The following USP32 variants were observed in gnomAD, a reference collection of about 807,000 sequenced individuals.
USP32 encodes ubiquitin carboxyl-terminal hydrolase 32.
A neutral mutation model predicts 204.8 loss-of-function variants in USP32; 59 were observed. The ratio of observed to expected loss-of-function variants is 0.29; its 90% CI spans 0.23 to 0.36. The LOEUF is 0.36. Ranked by LOEUF, USP32 falls within the 10% of genes least tolerant of loss-of-function variation. The probability of loss-of-function intolerance (pLI) is 1.00; values close to 1 mark genes in which losing one functional copy is unlikely to be tolerated. For synonymous variants in USP32, 517 were observed against 678.4 expected (o/e 0.76, Z 3.70); for missense variants, 1,160 against 1,946.4 (o/e 0.60, Z 7.60).
intron 2 of USP32, among the ~76,000 whole-genome samples, chr17:60,314,575 G>A (rs928638439): frequency 2.0e-5 from 3 of 151,950 alleles, no homozygotes; most frequent in Non-Finnish European, 2.9e-5. Context: ...GGGGAGGAAA[G>A]GAGAGAAAAT....
intron 26 of USP32, among the ~76,000 whole-genome samples, chr17:60,201,336 T>C (rs1287188391): frequency 3.3e-5 from 5 of 152,210 alleles, no homozygotes; most frequent in Non-Finnish European, 7.3e-5. Context: ...ATTTTGGGGC[T>C]ACTATAGATA....
chr17:60,303,090 T>C (rs901501663), intron 2 of USP32, among the ~76,000 whole-genome samples: 1 of 152,194 alleles, frequency 6.6e-6, no homozygotes, highest in Non-Finnish European at 1.5e-5. Context: ...AAAAACTATC[T>C]ATCTCTAGTG....
chr17:60,228,340 G>T (rs73322928), intron 12 of USP32, among the ~76,000 whole-genome samples: 135 of 152,164 alleles, frequency 8.9e-4, no homozygotes, highest in African/African-American at 2.8e-3. Flanking sequence ...CTGTAGACAA[G>T]ACAGTAGAAC....
At chr17:60,406,662 C>T (rs554092183) in intron 1 of USP32, among the ~76,000 whole-genome samples, 8 of 151,890 alleles carry the variant, frequency 5.3e-5, no homozygotes, top group Non-Finnish European at 8.8e-5. Flanking sequence ...ATTACAGGCA[C>T]GCGCCACCAC....
At chr17:60,300,633 A>T (rs2087550330) in intron 3 of USP32, among the ~76,000 whole-genome samples, 1 of 152,238 alleles carries the variant, frequency 6.6e-6, no homozygotes, top group Non-Finnish European at 1.5e-5. Flanking sequence ...TTTGTGAAAC[A>T]AATAGACTAC....
At chr17:60,367,545 TCAAAC>T in intron 1 of USP32, among the ~76,000 whole-genome samples, 1 of 152,002 alleles carries the variant, frequency 6.6e-6, no homozygotes, top group Non-Finnish European at 1.5e-5. Flanking sequence ...GCATGGAGGC[TCAAAC>T]CTGTAATCCC....
At chr17:60,420,807 ACTTT>A (rs2090105845) in intron 1 of USP32, among the ~76,000 whole-genome samples, 1 of 152,258 alleles carries the variant, frequency 6.6e-6, no homozygotes, top group Non-Finnish European at 1.5e-5. Flanking sequence ...ATCCTTCAAG[ACTTT>A]TTTCTATGCA....
intron 5 of USP32, among the ~76,000 whole-genome samples, chr17:60,284,894 C>A (rs1357210145): frequency 6.6e-6 from 1 of 152,170 alleles, no homozygotes; most frequent in East Asian, 1.9e-4. Flanking sequence ...GAATCCCCTA[C>A]CTTTGATGTC....
intron 1 of USP32, among the ~76,000 whole-genome samples, chr17:60,390,092 G>T (rs936234105): frequency 1.3e-5 from 2 of 152,094 alleles, no homozygotes; most frequent in African/African-American, 4.8e-5. Flanking sequence ...TCAAATACAT[G>T]TGTTTTAAAA....
intron 1 of USP32, among the ~76,000 whole-genome samples, chr17:60,360,159 C>T (rs1282796048): frequency 2.6e-5 from 4 of 151,806 alleles, no homozygotes; most frequent in African/African-American, 9.7e-5. Flanking sequence ...TGAGCCACCG[C>T]GCCCGGCCCT....
At chr17:60,410,395 G>A (rs530484401) in intron 1 of USP32, among the ~76,000 whole-genome samples, 10 of 152,274 alleles carry the variant, frequency 6.6e-5, no homozygotes, top group South Asian at 2.1e-4. Flanking sequence ...CTCGGTGGGC[G>A]CGGTGGCTCA....
chr17:60,240,939 T>C (rs145448231), intron 11 of USP32, among the ~76,000 whole-genome samples: 88 of 152,318 alleles, frequency 5.8e-4, no homozygotes, highest in African/African-American at 1.6e-3. Flanking sequence ...AAGTATAACA[T>C]AGCTGAGCAT....
chr17:60,302,129 ATT>A (rs1209543564), intron 2 of USP32, among the ~76,000 whole-genome samples: 11 of 144,272 alleles, frequency 7.6e-5, no homozygotes, highest in Non-Finnish European at 1.1e-4. Flanking sequence ...TTATTTATTT[ATT>A]TATTTATTTA....
chr17:60,187,170 G>C (rs888030256), intron 29 of USP32, among the ~76,000 whole-genome samples: 1 of 152,104 alleles, frequency 6.6e-6, no homozygotes, highest in Non-Finnish European at 1.5e-5. Context: ...GTTTAGAATG[G>C]GTTTTCAGGT....
chr17:60,258,155 T>C (rs953647154), intron 9 of USP32: 1 of 156,594 alleles, frequency 6.4e-6, no homozygotes, highest in African/African-American at 2.4e-5. Context: ...GCTCCAACGG[T>C]GCCATGAAAT....
chr17:60,354,314 A>C (rs923727855), intron 1 of USP32, among the ~76,000 whole-genome samples: 2 of 152,204 alleles, frequency 1.3e-5, no homozygotes, highest in African/African-American at 4.8e-5. Context: ...CAGCCAAGGC[A>C]GGACCATGCA....
At chr17:60,316,863 A>G (rs903853734) in intron 2 of USP32, among the ~76,000 whole-genome samples, 1 of 152,080 alleles carries the variant, frequency 6.6e-6, no homozygotes, top group Non-Finnish European at 1.5e-5. Context: ...AAACAAACAA[A>G]GGAATGAAGT....
At chr17:60,371,255 A>T (rs1486804998) in intron 1 of USP32, among the ~76,000 whole-genome samples, 48 of 130,498 alleles carry the variant, frequency 3.7e-4, no homozygotes, top group Non-Finnish European at 6.3e-4. Context: ...CTAAAAATTA[A>T]AAAAAAAAAA....
At chr17:60,339,728 A>T (rs1387285257) in intron 2 of USP32, among the ~76,000 whole-genome samples, 1 of 152,150 alleles carries the variant, frequency 6.6e-6, no homozygotes, top group Non-Finnish European at 1.5e-5. Context: ...CTTTTGCTCT[A>T]AAAATATAAA....
Sources: gnomAD v4.1 joint callset for allele counts (sites outside exome capture counted in the v4.1 genomes callset) on GRCh38, gnomAD v4.1.1 for gene constraint, MANE v1.5 for transcripts, NCBI Gene and HGNC (gene_info 2026-07-23, HGNC 2026-07-21) for gene names.